The following MAGI2 variants were observed in gnomAD, a reference collection of about 807,000 sequenced individuals.
MAGI2 encodes the protein membrane-associated guanylate kinase, WW and PDZ domain-containing protein 2.
Under a neutral mutation model 133.3 loss-of-function variants are expected in MAGI2, and 35 were observed. That is an observed-to-expected ratio of 0.26 (90% CI 0.20 to 0.35). The LOEUF (loss-of-function observed/expected upper bound fraction) is 0.35. MAGI2 is among the 10% of genes least tolerant of loss of function. The pLI is 1.00. For missense variants in MAGI2, 1,636 were observed against 1,863.4 expected (o/e 0.88, Z 2.25); for synonymous variants, 729 against 710.6 (o/e 1.03, Z -0.41).
chr7:78,607,180 C>T (rs1339361691), intron 3 of MAGI2, among the ~76,000 whole-genome samples: 4 of 152,098 alleles, frequency 2.6e-5, no homozygotes, highest in African/African-American at 9.7e-5. Context: ...CATTGTGTGA[C>T]TATTGTGAGA....
At chr7:78,183,247 A>G (rs1268117269) in intron 13 of MAGI2, among the ~76,000 whole-genome samples, 1 of 151,016 alleles carries the variant, frequency 6.6e-6, no homozygotes, top group African/African-American at 2.4e-5. Flanking sequence ...TACTTATTTT[A>G]TCTTATTTTT....
intron 1 of MAGI2, among the ~76,000 whole-genome samples, chr7:79,428,066 T>C (rs1415856443): frequency 6.6e-6 from 1 of 152,100 alleles, no homozygotes; most frequent in Non-Finnish European, 1.5e-5. Flanking sequence ...TAAAAGAAAC[T>C]GGGAAATCAA....
At position 78,017,914 on chromosome 7, in the gene MAGI2, G is replaced by C. The variant is rs1486240013; in HGVS notation, c.*1401C>G. The C allele has an allele frequency of 6.6e-6, 1 of 152,200 alleles. No individual in the cohort carries two copies. The highest frequency in any genetic ancestry group is 1.5e-5 in the Non-Finnish European group (1 of 68,038). 9.4% of individuals were successfully genotyped at this position (152,200 alleles called of 1,614,324 possible). A position where few individuals can be genotyped will look rare whatever the true frequency, so the allele number is the denominator to read the frequency against. On this transcript the variant is annotated 3_prime_UTR_variant, in exon 22 of 22. Coordinates refer to ENST00000354212, the MANE Select transcript of MAGI2 (RefSeq NM_012301.4). ...AGAGTAAGAATATGGAAAGGATGAA[G>C]CCTCATTCATTCGGGCATATTAAAA...
At chr7:78,033,874 A>G (rs913465669) in intron 21 of MAGI2, among the ~76,000 whole-genome samples, 1 of 152,148 alleles carries the variant, frequency 6.6e-6, no homozygotes, top group African/African-American at 2.4e-5. Context: ...CTGTGTGCCA[A>G]CCAAGGAGTG....
At chr7:78,893,551 TA>T (rs1194026111) in intron 2 of MAGI2, among the ~76,000 whole-genome samples, 2 of 152,050 alleles carry the variant, frequency 1.3e-5, no homozygotes, top group Non-Finnish European at 2.9e-5. Flanking sequence ...TATGCAGCCA[TA>T]AAAAATGATG....
chr7:78,533,217 G>C (rs1192238254), intron 3 of MAGI2, among the ~76,000 whole-genome samples: 1 of 152,110 alleles, frequency 6.6e-6, no homozygotes, highest in African/African-American at 2.4e-5. Context: ...ATGTAACTTG[G>C]CCTTTCATAC....
chr7:78,070,436 A>ATATG (rs1814473530), intron 21 of MAGI2, among the ~76,000 whole-genome samples: 1 of 146,770 alleles, frequency 6.8e-6, no homozygotes, highest in Non-Finnish European at 1.5e-5. Flanking sequence ...ATGTGTATAT[A>ATATG]TATATGTGTA....
intron 1 of MAGI2, among the ~76,000 whole-genome samples, chr7:79,336,721 T>C (rs1245044408): frequency 1.3e-5 from 2 of 152,146 alleles, no homozygotes; most frequent in Non-Finnish European, 2.9e-5. Flanking sequence ...TTTCCATGTC[T>C]GGCTCATTTT....
chr7:78,433,112 G>T (rs1799953366), intron 6 of MAGI2, among the ~76,000 whole-genome samples: 1 of 152,088 alleles, frequency 6.6e-6, no homozygotes, highest in Admixed American at 6.6e-5. Flanking sequence ...CCATTATAAA[G>T]TCCAAAGTTT....
At chr7:79,379,260 C>T (rs1843617426) in intron 1 of MAGI2, among the ~76,000 whole-genome samples, 4 of 151,594 alleles carry the variant, frequency 2.6e-5, no homozygotes, top group Admixed American at 2.6e-4. Flanking sequence ...TGGTTTCCAG[C>T]TTCATCCATG....
At chr7:78,059,778 T>TA (rs386359933) in intron 21 of MAGI2, among the ~76,000 whole-genome samples, 2 of 22,458 alleles carry the variant, frequency 8.9e-5, no homozygotes, top group Non-Finnish European at 8.5e-5. Context: ...TATATATATA[T>TA]TTTTTTTCTG....
At chr7:78,875,288 G>A (rs899918747) in intron 2 of MAGI2, among the ~76,000 whole-genome samples, 2 of 152,120 alleles carry the variant, frequency 1.3e-5, no homozygotes, top group African/African-American at 2.4e-5. Flanking sequence ...CACTCAGCTC[G>A]GGAGGCAGAG....
intron 7 of MAGI2, among the ~76,000 whole-genome samples, chr7:78,347,828 C>T (rs1334078474): frequency 5.3e-5 from 8 of 152,112 alleles, no homozygotes; most frequent in South Asian, 2.1e-4. Flanking sequence ...GGAAATAAAA[C>T]GTTATTGTAA....
chr7:78,674,589 G>A (rs1320829321), intron 2 of MAGI2, among the ~76,000 whole-genome samples: 1 of 152,040 alleles, frequency 6.6e-6, no homozygotes, highest in African/African-American at 2.4e-5. Context: ...AAATCAATGT[G>A]AATAAGAAAT....
intron 2 of MAGI2, among the ~76,000 whole-genome samples, chr7:78,726,162 ATAT>A (rs927048215): frequency 1.3e-5 from 2 of 152,190 alleles, no homozygotes; most frequent in African/African-American, 4.8e-5. Context: ...GTGGGGGTTA[ATAT>A]TATAGTTAGA....
intron 9 of MAGI2, among the ~76,000 whole-genome samples, chr7:78,299,137 A>AAGTT (rs1349214971): frequency 6.6e-6 from 1 of 152,132 alleles, no homozygotes; most frequent in Non-Finnish European, 1.5e-5. Flanking sequence ...TTAAAATAAA[A>AAGTT]AGTTAATTTT....
intron 16 of MAGI2, among the ~76,000 whole-genome samples, chr7:78,138,601 T>C (rs2150550066): frequency 6.8e-6 from 1 of 147,074 alleles, no homozygotes; most frequent in Non-Finnish European, 1.5e-5. Context: ...GGGCATAAAA[T>C]CCCAAATGTT....
intron 3 of MAGI2, among the ~76,000 whole-genome samples, chr7:78,612,979 G>A (rs1563243316): frequency 1.3e-5 from 2 of 151,890 alleles, no homozygotes; most frequent in Non-Finnish European, 2.9e-5. Context: ...CGAAAATGAC[G>A]TTTTCTAAAC....
At chr7:78,087,123 G>A (rs571837573) in intron 20 of MAGI2, among the ~76,000 whole-genome samples, 1 of 152,148 alleles carries the variant, frequency 6.6e-6, no homozygotes, top group African/African-American at 2.4e-5. Flanking sequence ...AGTCTGGGTT[G>A]GGTGCCTTTT....
Sources: allele counts gnomAD v4.1 joint callset (sites outside exome capture counted in the v4.1 genomes callset), GRCh38; gene constraint gnomAD v4.1.1; transcripts MANE v1.5; gene names NCBI Gene and HGNC (gene_info 2026-07-23, HGNC 2026-07-21).